Variants in TBC1D16 observed in about 807,000 individuals in gnomAD.
TBC1D16 encodes CTD-2529O21.1.
Under a neutral mutation model 74.7 loss-of-function variants are expected in TBC1D16, and 58 were observed. The ratio of observed to expected loss-of-function variants is 0.78; its 90% confidence interval spans 0.63 to 0.97. TBC1D16 has a LOEUF of 0.97. Ranked by LOEUF, TBC1D16 falls within the 50% of genes least tolerant of loss-of-function variation. The probability of loss-of-function intolerance (pLI) is 0.00; values close to 1 mark genes in which losing one functional copy is unlikely to be tolerated. For missense variants in TBC1D16, 1,014 were observed against 1,079.5 expected, an observed-to-expected ratio of 0.94 and a Z score of 0.85; for synonymous variants, 493 against 474.7, an observed-to-expected ratio of 1.04 and a Z score of -0.50.
chr17:79,981,942 T>C lies in TBC1D16; in HGVS notation c.779+28218A>G, dbSNP rs1027955977. On this transcript the variant is annotated intron_variant, in intron 3 of 11. Transcript: ENST00000310924. The surrounding 1 kb of genome is among the most constrained non-coding windows in gnomAD (Gnocchi z 6.9). ...ACACGCACACACACACACATGCACA[T>C]GTATTAAAGCAAAAGTGAGATTGTG... 1.3e-5 allele frequency among the ~76,000 whole-genome samples: 2 copies of C among 152,190 alleles called. No individual in the cohort carries two copies. Among genetic ancestry groups the C allele is most frequent in the Admixed American group, 1.3e-4 (2 of 15,276 alleles).
At chr17:80,028,828 G>A (rs1349082528) in intron 1 of TBC1D16, among the ~76,000 whole-genome samples, 4 of 151,860 alleles carry the variant, frequency 2.6e-5, no homozygotes, top group Non-Finnish European at 5.9e-5. Flanking sequence ...GGGCCAAGAT[G>A]GTTTCAATCT....
intron 1 of TBC1D16, among the ~76,000 whole-genome samples, chr17:80,022,756 C>A (rs2036329201): frequency 6.7e-6 from 1 of 149,632 alleles, no homozygotes; most frequent in Admixed American, 6.6e-5. Context: ...CCTGCCTCAG[C>A]CTCCCATGTA....
intron 10 of TBC1D16, among the ~76,000 whole-genome samples, chr17:79,943,367 CCACAGCCTG>C (rs1032637657): frequency 6.6e-6 from 1 of 152,052 alleles, no homozygotes; most frequent in African/African-American, 2.4e-5. Context: ...GGCACGATCT[CCACAGCCTG>C]CACAGCATAG....
At chr17:80,002,336 A>G (rs4074023) in intron 3 of TBC1D16, among the ~76,000 whole-genome samples, 86,308 of 152,180 alleles carry the variant, frequency 0.57, 24,776 homozygotes, top group Middle Eastern at 0.63. Flanking sequence ...TCGGTCGACA[A>G]GGAGCCTTTT....
rs111735333 is a variant in TBC1D16 at position 79,958,288 on chromosome 17, C to T, written c.780-5470G>A. On this transcript the variant is annotated intron_variant, in intron 3 of 11. Coordinates refer to ENST00000310924, the MANE Select transcript of TBC1D16 (RefSeq NM_019020.4). ...AGGCTGAAATGCAATGGCAAGATCT[C>T]GGCTCACTGCAACCTCCACCTCCCG... Among the ~76,000 whole-genome samples the T allele has an allele frequency of 1.7e-3, 248 of 149,602 alleles. 2 individuals are homozygous for T. The highest frequency in any genetic ancestry group is 5.9e-3 in the African/African-American group (239 of 40,522).
At chr17:79,949,939 T>G (rs2032909135) in intron 6 of TBC1D16, 74 bp from the exon 7 acceptor site, 1 of 1,529,544 alleles carries the variant, frequency 6.5e-7, no homozygotes, top group African/African-American at 1.4e-5. Flanking sequence ...CCCAGAGATG[T>G]GTGTTTTGGT....
At chr17:79,960,809 A>AAAAAAAAAAGG (rs2033576160) in intron 3 of TBC1D16, among the ~76,000 whole-genome samples, 2 of 136,146 alleles carry the variant, frequency 1.5e-5, no homozygotes, top group Non-Finnish European at 3.2e-5. Flanking sequence ...AAAAAAAAAA[A>AAAAAAAAAAGG]CGAAGGAATG....
rs1568632775 is a variant in TBC1D16 at position 80,010,118 on chromosome 17, T to C, written c.779+42A>G. On this transcript the variant is annotated intron_variant, in intron 3 of 11. Coordinates refer to ENST00000310924, the MANE Select transcript of TBC1D16 (RefSeq NM_019020.4). This position sits in a 1 kb window ranked among gnomAD's most constrained non-coding sequence, Gnocchi z 8.8. ...AGTGCTTCCTGCCCAGGTCAGGCCT[T>C]GGGGGCCTCCCGAGAGCCCACGCCC... is the stretch of plus-strand genomic sequence containing the variant. 3 of 1,527,452 alleles carry C rather than the reference T, an allele frequency of 2.0e-6. No homozygotes were observed. The highest frequency in any genetic ancestry group is 1.8e-6 in the Non-Finnish European group (2 of 1,123,772). The allele number at this position is 1,527,452 out of a possible 1,614,324, so 94.6% of individuals were successfully genotyped here. A position where few individuals can be genotyped will look rare whatever the true frequency, so the allele number is the denominator to read the frequency against.
At chr17:79,942,632 G>A (rs2032126725) in intron 10 of TBC1D16, among the ~76,000 whole-genome samples, 1 of 152,108 alleles carries the variant, frequency 6.6e-6, no homozygotes, top group South Asian at 2.1e-4. Context: ...CGGAAGTCTG[G>A]GTCAGAACTC....
In TBC1D16 at chr17:80,001,566, T is replaced by A. The variant is rs938856409; in HGVS notation, c.779+8594A>T. Among the ~76,000 whole-genome samples, 2 of 152,086 alleles carry A rather than the reference T, an allele frequency of 1.3e-5. No homozygotes were observed. The highest frequency in any genetic ancestry group is 2.9e-5 in the Non-Finnish European group (2 of 67,988). On this transcript the variant is annotated intron_variant, in intron 3 of 11. Transcript: ENST00000310924. The surrounding 1 kb of genome is among the most constrained non-coding windows in gnomAD (Gnocchi z 5.8). ...TCGGGGTATCCCCGGGCGCCCTGGT[T>A]GGCCCACGACCGGGATCAGGGGTTT... is the stretch of plus-strand genomic sequence containing the variant.
In TBC1D16 at chr17:79,956,390, A is replaced by G. The variant is rs968181617; in HGVS notation, c.780-3572T>C. Among the ~76,000 whole-genome samples, 5 of 152,194 alleles carry G rather than the reference A, an allele frequency of 3.3e-5. No individual in the cohort carries two copies. The highest frequency in any genetic ancestry group is 4.8e-5 in the African/African-American group (2 of 41,444). On this transcript the variant is annotated intron_variant, in intron 3 of 11. Coordinates refer to ENST00000310924, the MANE Select transcript of TBC1D16 (RefSeq NM_019020.4). The surrounding 1 kb of genome is among the most constrained non-coding windows in gnomAD (Gnocchi z 4.0). ...AGCCTCAGTCTCCCAAGTAGCTGGG[A>G]CTACAGGCACTCACCACCACATTTG...
rs1230526731 is a variant in TBC1D16 at position 79,933,553 on chromosome 17, A to G, written c.*7306T>C. The G allele has an allele frequency of 6.6e-6, 1 of 152,234 alleles. No homozygotes were observed. Among genetic ancestry groups the G allele is most frequent in the Non-Finnish European group, 1.5e-5 (1 of 68,080 alleles). The allele number at this position is 152,234 out of a possible 1,614,324, so 9.4% of individuals were successfully genotyped here. A position where few individuals can be genotyped will look rare whatever the true frequency, so the allele number is the denominator to read the frequency against. On this transcript the variant is annotated 3_prime_UTR_variant, in exon 12 of 12. Transcript: ENST00000310924. ...ATAATAACAGAGACCGCACTGGACTATGGGGGATCACAATGGGTTTCAGTT... is the reference window on the plus strand; with the variant it reads ...ATAATAACAGAGACCGCACTGGACTGTGGGGGATCACAATGGGTTTCAGTT...
In TBC1D16 at chr17:79,994,569, G is replaced by A. The variant is rs2035196495; in HGVS notation, c.779+15591C>T. On this transcript the variant is annotated intron_variant, in intron 3 of 11. Transcript: ENST00000310924. This position sits in a 1 kb window ranked among gnomAD's most constrained non-coding sequence, Gnocchi z 4.6. ...CTCCCAAGTAGCTGGGATTACAGGTGTCTGCCACCACGCCCGGCTAATTTT... is the reference window on the plus strand; with the variant it reads ...CTCCCAAGTAGCTGGGATTACAGGTATCTGCCACCACGCCCGGCTAATTTT... Among the ~76,000 whole-genome samples the A allele has an allele frequency of 6.6e-6, 1 of 152,142 alleles. No homozygotes were observed. Among genetic ancestry groups the A allele is most frequent in the Admixed American group, 6.5e-5 (1 of 15,280 alleles).
At chr17:79,970,577 A>C (rs2034045334) in intron 3 of TBC1D16, among the ~76,000 whole-genome samples, 1 of 152,214 alleles carries the variant, frequency 6.6e-6, no homozygotes, top group African/African-American at 2.4e-5. Flanking sequence ...ACCTGCAGAC[A>C]ACGAGACAAG....
chr17:80,014,934 G>A (rs775120200), intron 1 of TBC1D16, among the ~76,000 whole-genome samples: 27 of 152,136 alleles, frequency 1.8e-4, no homozygotes, highest in Admixed American at 5.9e-4. Flanking sequence ...TATATAATGC[G>A]CTGTGACCTG....
Position 79,994,461 on chromosome 17 carries a change from T to A in TBC1D16, c.779+15699A>T, listed in dbSNP as rs1377161027. Among the ~76,000 whole-genome samples the A allele has an allele frequency of 1.3e-5, 2 of 152,200 alleles. No individual in the cohort carries two copies. Among genetic ancestry groups the A allele is most frequent in the Non-Finnish European group, 2.9e-5 (2 of 68,040 alleles). The stretch of plus-strand genomic sequence containing the variant: ...TTATTGAGACGAAGTCTCACTCTTG[T>A]CCCCCAGGCTGGAGTGCAATGGCGT... On this transcript the variant is annotated intron_variant, in intron 3 of 11. Transcript: ENST00000310924. The surrounding 1 kb of genome is among the most constrained non-coding windows in gnomAD (Gnocchi z 4.6).
intron 1 of TBC1D16, among the ~76,000 whole-genome samples, chr17:80,025,094 CACACCATATACACACAAACACCACA>C (rs2036516899): frequency 1.3e-5 from 1 of 75,200 alleles, no homozygotes. Context: ...ATGACACACA[CACACCATATACACACAAACACCACA>C]GACACACACA....
intron 9 of TBC1D16, among the ~76,000 whole-genome samples, chr17:79,946,393 G>A (rs1348997288): frequency 6.6e-6 from 1 of 152,210 alleles, no homozygotes; most frequent in African/African-American, 2.4e-5. Flanking sequence ...AGCTCAGGCG[G>A]GAATGCTCGC....
chr17:79,951,367 C>T, intron 5 of TBC1D16, 83 bp downstream of exon 5: 1 of 1,529,354 alleles, frequency 6.5e-7, no homozygotes, highest in Non-Finnish European at 8.8e-7. Flanking sequence ...GGACCCCAGA[C>T]ACAGGACCCA....
Sources: allele counts gnomAD v4.1 joint callset (sites outside exome capture counted in the v4.1 genomes callset), GRCh38; gene constraint gnomAD v4.1.1; non-coding constraint Gnocchi (gnomAD v3.1); transcripts MANE v1.5; gene names NCBI Gene and HGNC (gene_info 2026-07-23, HGNC 2026-07-21).